EFCAB11: variants seen among roughly 807,000 people sequenced by gnomAD.
EFCAB11 encodes EF-hand calcium binding domain 11.
Under a neutral mutation model 23.0 loss-of-function variants are expected in EFCAB11, and 14 were observed. The observed-to-expected ratio is 0.61, with a 90% CI of 0.40 to 0.95. The LOEUF is 0.95. EFCAB11 is among the 40% of genes least tolerant of loss of function. The pLI is 0.00. For missense variants in EFCAB11, 198 were observed against 195.8 expected (o/e 1.01, Z -0.07); for synonymous variants, 65 against 66.6 (o/e 0.98, Z 0.11).
In EFCAB11 at chr14:89,912,918, C is replaced by A. The variant is rs11851678; in HGVS notation, c.410+18623G>T. Reference sequence around the variant, plus strand: ...ATAAATCAAACTTGCATAAAGAGCACAAGATTTCTGCTGTGGGCTGTACTC... The same window carrying A: ...ATAAATCAAACTTGCATAAAGAGCAAAAGATTTCTGCTGTGGGCTGTACTC... On this transcript the variant is annotated intron_variant, in intron 5 of 5. Transcript: ENST00000316738. 8.9e-3 allele frequency among the ~76,000 whole-genome samples: 1,358 copies of A among 152,314 alleles called. 15 individuals are homozygous for A. The highest frequency in any genetic ancestry group is 0.03 in the African/African-American group (1,266 of 41,560).
intron 5 of EFCAB11, among the ~76,000 whole-genome samples, chr14:89,847,838 A>C (rs1453045339): frequency 6.6e-6 from 1 of 152,102 alleles, no homozygotes; most frequent in Non-Finnish European, 1.5e-5. Context: ...CTCTGCATTT[A>C]CCAGCTGTCT....
chr14:89,951,982 ATATAAG>A (rs1891185163), intron 2 of EFCAB11, among the ~76,000 whole-genome samples: 1 of 152,224 alleles, frequency 6.6e-6, no homozygotes, highest in South Asian at 2.1e-4. Context: ...GTGATTTATT[ATATAAG>A]TATTTTATTG....
At chr14:89,954,259 T>C (rs1318032245) in intron 1 of EFCAB11, 1 of 1,308,386 alleles carries the variant, frequency 7.6e-7, no homozygotes, top group Non-Finnish European at 1.1e-6. Flanking sequence ...TTTAGGCCAC[T>C]GAGATAAATT....
At chr14:89,889,923 C>T (rs75594167) in intron 5 of EFCAB11, among the ~76,000 whole-genome samples, 13,928 of 152,250 alleles carry the variant, frequency 0.091, 1,628 homozygotes, top group African/African-American at 0.27. Flanking sequence ...GCTGGTTTTG[C>T]ATTGAATCCT....
At chr14:89,839,878 GA>G (rs1323130232) in intron 5 of EFCAB11, among the ~76,000 whole-genome samples, 11 of 152,008 alleles carry the variant, frequency 7.2e-5, no homozygotes, top group African/African-American at 2.7e-4. Context: ...ACCAAGGGGG[GA>G]TGGTGCTAAA....
In EFCAB11 at chr14:89,824,525, A is replaced by G. The variant is rs953786488; in HGVS notation, c.411-27201T>C. Among the ~76,000 whole-genome samples, 25 of 152,250 alleles carry G rather than the reference A, an allele frequency of 1.6e-4. No homozygotes were observed. In the East Asian group the frequency reaches 2.1e-3, roughly 13 times the overall value. The stretch of plus-strand genomic sequence containing the variant: ...ATAGGAAATGTGAAGATGTAGACTT[A>G]GACCCAATGATATAAATAATTACAT... On this transcript the variant is annotated intron_variant, in intron 5 of 5. Transcript: ENST00000316738.
intron 5 of EFCAB11, among the ~76,000 whole-genome samples, chr14:89,853,824 T>C (rs1046935659): frequency 1.3e-5 from 2 of 152,128 alleles, no homozygotes; most frequent in Admixed American, 6.5e-5. Flanking sequence ...TTTGTTTACA[T>C]AGGAATGATT....
chr14:89,860,001 A>G (rs1043743278), intron 5 of EFCAB11, among the ~76,000 whole-genome samples: 1 of 152,188 alleles, frequency 6.6e-6, no homozygotes, highest in African/African-American at 2.4e-5. Flanking sequence ...AAAGGAGGGA[A>G]CAGAACCTAG....
At chr14:89,854,987 A>G (rs17126404) in intron 5 of EFCAB11, among the ~76,000 whole-genome samples, 4,797 of 152,196 alleles carry the variant, frequency 0.032, 108 homozygotes, top group South Asian at 0.1. Flanking sequence ...CCAACTTCCT[A>G]TCTAAATACG....
intron 5 of EFCAB11, among the ~76,000 whole-genome samples, chr14:89,881,933 T>C (rs1888614717): frequency 6.6e-6 from 1 of 152,208 alleles, no homozygotes; most frequent in Non-Finnish European, 1.5e-5. Context: ...TAGGAGCATG[T>C]ATGCTTAGGG....
intron 3 of EFCAB11, among the ~76,000 whole-genome samples, chr14:89,945,912 A>AT (rs34765514): frequency 0.015 from 2,057 of 135,628 alleles, 46 homozygotes; most frequent in Admixed American, 0.028. Flanking sequence ...TTATTAGGGG[A>AT]TTTTTTTTTT....
chr14:89,805,589 G>T lies in EFCAB11; in HGVS notation c.411-8265C>A, dbSNP rs544436163. The stretch of plus-strand genomic sequence containing the variant: ...CATTGATTCGATAATTTGTGCACAG[G>T]CTTTTAAGTGTTAATTACCAGCTTG... On this transcript the variant is annotated intron_variant, in intron 5 of 5. Transcript: ENST00000316738. Among the ~76,000 whole-genome samples the T allele has an allele frequency of 2.6e-5, 4 of 152,294 alleles. No homozygotes were observed. In the East Asian group the frequency reaches 7.7e-4, roughly 29 times the overall value.
chr14:89,846,025 T>G (rs937493696), intron 5 of EFCAB11, among the ~76,000 whole-genome samples: 3 of 152,188 alleles, frequency 2.0e-5, no homozygotes, highest in Admixed American at 6.5e-5. Flanking sequence ...TGAGTGACCT[T>G]GGGCAAGGGA....
intron 5 of EFCAB11, among the ~76,000 whole-genome samples, chr14:89,862,118 C>T (rs2140151783): frequency 6.6e-6 from 1 of 152,298 alleles, no homozygotes; most frequent in Admixed American, 6.5e-5. Flanking sequence ...TTATAGAAAC[C>T]ATGGTATTGC....
At chr14:89,830,091 A>C (rs1408057004) in intron 5 of EFCAB11, 3 of 152,168 alleles carry the variant, frequency 2.0e-5, no homozygotes, top group Non-Finnish European at 1.5e-5. Flanking sequence ...CTTTTGTATC[A>C]TTATTAAAAT....
At chr14:89,849,604 C>G (rs1456089281) in intron 5 of EFCAB11, among the ~76,000 whole-genome samples, 1 of 68,784 alleles carries the variant, frequency 1.5e-5, no homozygotes, top group Non-Finnish European at 3.5e-5. Flanking sequence ...ACAAGGAAAT[C>G]TGTTTTTTTT....
intron 5 of EFCAB11, among the ~76,000 whole-genome samples, chr14:89,869,968 G>C (rs551563155): frequency 6.6e-6 from 1 of 152,230 alleles, no homozygotes; most frequent in African/African-American, 2.4e-5. Flanking sequence ...ATTCTCCTTA[G>C]AGTTTTGCCA....
rs11851930 is a variant in EFCAB11 at position 89,812,790 on chromosome 14, A to G, written c.411-15466T>C. On this transcript the variant is annotated intron_variant, in intron 5 of 5. Coordinates refer to ENST00000316738, the MANE Select transcript of EFCAB11 (RefSeq NM_145231.4). ...CAAAATAAGTTCCAAATTCGTTAACATGTTAGATTGTCCTAAAATTCAAAC... is the reference window on the plus strand; with the variant it reads ...CAAAATAAGTTCCAAATTCGTTAACGTGTTAGATTGTCCTAAAATTCAAAC... Among the ~76,000 whole-genome samples, 1,377 of 152,348 alleles carry G rather than the reference A, an allele frequency of 9.0e-3. 29 individuals are homozygous for G. Among genetic ancestry groups the G allele is most frequent in the African/African-American group, 0.031 (1,295 of 41,578 alleles).
chr14:89,875,316 G>T (rs1888401795), intron 5 of EFCAB11, among the ~76,000 whole-genome samples: 1 of 152,150 alleles, frequency 6.6e-6, no homozygotes, highest in African/African-American at 2.4e-5. Context: ...CCACCCCCAT[G>T]ATTCCATTAC....
Sources: allele counts gnomAD v4.1 joint callset (sites outside exome capture counted in the v4.1 genomes callset), GRCh38; gene constraint gnomAD v4.1.1; transcripts MANE v1.5; gene names NCBI Gene and HGNC (gene_info 2026-07-23, HGNC 2026-07-21).